The following EPHB1 variants were observed in gnomAD, a reference collection of about 807,000 sequenced individuals.
EPHB1 encodes EPH receptor B1.
EPHB1 carries 30 observed loss-of-function variants against 94.4 expected under a neutral mutation model. The observed-to-expected ratio is 0.32, with a 90% CI of 0.24 to 0.43. The LOEUF (loss-of-function observed/expected upper bound fraction) is 0.43, where lower values mean the gene tolerates loss of function less well. Among genes scored for constraint, EPHB1 ranks in the 20% least tolerant of loss-of-function variants. The pLI is 1.00. For missense variants in EPHB1, 1,055 were observed against 1,308.3 expected, an observed-to-expected ratio of 0.81 and a Z score of 2.99; for synonymous variants, 522 against 489.1, an observed-to-expected ratio of 1.07 and a Z score of -0.89.
intron 12 of EPHB1, among the ~76,000 whole-genome samples, chr3:135,232,482 C>A (rs1183910735): frequency 1.3e-5 from 2 of 152,164 alleles, no homozygotes; most frequent in African/African-American, 4.8e-5. Flanking sequence ...GGTCACTGCT[C>A]GAAGGCAGAG....
At chr3:134,970,657 G>T (rs991965918) in intron 3 of EPHB1, among the ~76,000 whole-genome samples, 1 of 151,992 alleles carries the variant, frequency 6.6e-6, no homozygotes, top group Admixed American at 6.6e-5. Flanking sequence ...TGATTAGCAC[G>T]TATTTGAAGA....
rs1474801892 is a variant in EPHB1 at position 135,162,170 on chromosome 3, T to A, written c.1575T>A (p.Thr525=). ...GKFSGKMCFQ[T]LTDDDYKSEL... is the part of the protein sequence containing the mutation. ...TCAGTGGCAAGATGTGCTTCCAGACTCTGACTGACGGTAAGGGTCGGGGAG... is the reference window on the plus strand; with the variant it reads ...TCAGTGGCAAGATGTGCTTCCAGACACTGACTGACGGTAAGGGTCGGGGAG... The change falls in exon 7 of 16, where the codon ACT becomes ACA. Residue 525 remains threonine, a synonymous_variant. Transcript: ENST00000398015. The A allele has an allele frequency of 6.2e-7, 1 of 1,605,116 alleles. No homozygotes were observed. The highest frequency in any genetic ancestry group is 8.5e-7 in the Non-Finnish European group (1 of 1,174,740).
intron 1 of EPHB1, among the ~76,000 whole-genome samples, chr3:134,809,706 C>T (rs1248890271): frequency 2.0e-5 from 3 of 152,206 alleles, no homozygotes; most frequent in African/African-American, 7.2e-5. Context: ...CTAACAGCAT[C>T]ACGTGGATTC....
intron 7 of EPHB1, 94 bp from the exon 8 acceptor site, chr3:135,165,874 G>A (rs1559858341): frequency 2.4e-6 from 2 of 836,978 alleles, no homozygotes; most frequent in Non-Finnish European, 2.0e-6. Flanking sequence ...CTACATATAT[G>A]TATATTTAGA....
At chr3:134,824,801 T>C (rs1315539595) in intron 1 of EPHB1, among the ~76,000 whole-genome samples, 1 of 152,270 alleles carries the variant, frequency 6.6e-6, no homozygotes, top group Admixed American at 6.5e-5. Flanking sequence ...GGTACTTCAA[T>C]TGACAGCCCA....
intron 3 of EPHB1, among the ~76,000 whole-genome samples, chr3:135,054,960 C>G (rs1937303968): frequency 3.3e-5 from 5 of 152,040 alleles, no homozygotes; most frequent in Admixed American, 3.3e-4. Flanking sequence ...TAACAGATGC[C>G]TACTGTCAAA....
chr3:134,857,693 A>G (rs1043089640), intron 1 of EPHB1, among the ~76,000 whole-genome samples: 1 of 152,134 alleles, frequency 6.6e-6, no homozygotes, highest in Admixed American at 6.5e-5. Context: ...CACCTGTCCC[A>G]AGTGACACCA....
At chr3:135,236,816 C>T (rs1943665824) in intron 12 of EPHB1, among the ~76,000 whole-genome samples, 1 of 152,196 alleles carries the variant, frequency 6.6e-6, no homozygotes, top group Admixed American at 6.5e-5. Context: ...GAGAAAAGTG[C>T]TGTAGCAATG....
intron 3 of EPHB1, among the ~76,000 whole-genome samples, chr3:135,050,527 G>A (rs1387925053): frequency 6.6e-6 from 1 of 152,130 alleles, no homozygotes; most frequent in African/African-American, 2.4e-5. Flanking sequence ...ACCAGGGCCT[G>A]GTTTCTGCTT....
intron 2 of EPHB1, among the ~76,000 whole-genome samples, chr3:134,939,828 A>G (rs1703703242): frequency 2.6e-5 from 4 of 152,216 alleles, no homozygotes; most frequent in Admixed American, 2.6e-4. Context: ...GGGCAATGCC[A>G]AGAAAGCTCC....
intron 1 of EPHB1, among the ~76,000 whole-genome samples, chr3:134,807,548 A>G (rs2036089938): frequency 2.4e-4 from 1 of 4,208 alleles, no homozygotes; most frequent in Non-Finnish European, 7.0e-4. Context: ...TGTGAGAGAG[A>G]GAGGGGAGAG....
intron 1 of EPHB1, among the ~76,000 whole-genome samples, chr3:134,894,139 G>A (rs746737153): frequency 2.0e-5 from 3 of 152,124 alleles, no homozygotes; most frequent in East Asian, 1.9e-4. Context: ...GCACCATCCC[G>A]TCTTCCAAGG....
At chr3:134,936,403 C>T (rs543007099) in intron 2 of EPHB1, among the ~76,000 whole-genome samples, 5 of 152,108 alleles carry the variant, frequency 3.3e-5, no homozygotes, top group African/African-American at 4.8e-5. Context: ...TGTGTATGTC[C>T]GGCTCCGGGC....
At chr3:135,198,678 G>A (rs1027969768) in intron 11 of EPHB1, among the ~76,000 whole-genome samples, 2 of 152,184 alleles carry the variant, frequency 1.3e-5, no homozygotes, top group Admixed American at 1.3e-4. Flanking sequence ...GAGGTACAGG[G>A]GAACTGACTT....
chr3:135,008,298 C>A (rs1935495959), intron 3 of EPHB1, among the ~76,000 whole-genome samples: 1 of 152,160 alleles, frequency 6.6e-6, no homozygotes, highest in Non-Finnish European at 1.5e-5. Flanking sequence ...TCATTTGATT[C>A]CCAAGCATTC....
chr3:134,945,356 G>A (rs1193953956), intron 2 of EPHB1, among the ~76,000 whole-genome samples: 2 of 152,066 alleles, frequency 1.3e-5, no homozygotes, highest in African/African-American at 4.8e-5. Context: ...TATCTTTGTA[G>A]TTTCATTTTT....
At chr3:135,093,303 C>A (rs750446292) in intron 3 of EPHB1, among the ~76,000 whole-genome samples, 10 of 152,172 alleles carry the variant, frequency 6.6e-5, no homozygotes, top group Non-Finnish European at 1.5e-5. Context: ...CCAGGCCACT[C>A]CCCGCACTCC....
At chr3:135,178,692 G>C (rs13324407) in intron 9 of EPHB1, among the ~76,000 whole-genome samples, 8,737 of 152,140 alleles carry the variant, frequency 0.057, 387 homozygotes, top group East Asian at 0.23. Flanking sequence ...TGAAGAGGGG[G>C]GAGGTGCTAA....
intron 3 of EPHB1, among the ~76,000 whole-genome samples, chr3:135,082,159 C>T (rs560289701): frequency 2.0e-5 from 3 of 152,202 alleles, no homozygotes; most frequent in Admixed American, 6.5e-5. Flanking sequence ...AGCCATGTTC[C>T]GTGGGAGAAC....
Sources: gnomAD v4.1 joint callset for allele counts (sites outside exome capture counted in the v4.1 genomes callset) on GRCh38, gnomAD v4.1.1 for gene constraint, MANE v1.5 for transcripts, NCBI Gene and HGNC (gene_info 2026-07-23, HGNC 2026-07-21) for gene names.